RARB: variants seen among roughly 807,000 people sequenced by gnomAD.
The protein encoded by RARB is HBV-activated protein.
Under a neutral mutation model 51.9 loss-of-function variants are expected in RARB, and 17 were observed. The ratio of observed to expected loss-of-function variants is 0.33; its 90% CI spans 0.22 to 0.49. The LOEUF is 0.49. Among genes scored for constraint, RARB ranks in the 20% least tolerant of loss-of-function variants. RARB has a pLI of 0.99. For missense variants in RARB, 369 were observed against 550.8 expected, an observed-to-expected ratio of 0.67 and a Z score of 3.30; for synonymous variants, 215 against 195.4, an observed-to-expected ratio of 1.10 and a Z score of -0.84.
intron 2 of RARB, among the ~76,000 whole-genome samples, chr3:24,941,072 T>C (rs1344495613): frequency 1.3e-5 from 2 of 152,072 alleles, no homozygotes; most frequent in African/African-American, 4.8e-5. Flanking sequence ...GGGGGAAATT[T>C]TTATTGTTAT....
rs191622851 is a variant in RARB at position 24,936,660 on chromosome 3, G to T, written c.-380+77908G>T. On this transcript the variant is annotated intron_variant, in intron 2 of 11. Coordinates refer to the RARB transcript ENST00000383772. Reference sequence around the variant, plus strand: ...ATCTCTGCATAATCAAAAGTTAACTGTCATTAACATGACATTTGCTTTTAA... The same window carrying T: ...ATCTCTGCATAATCAAAAGTTAACTTTCATTAACATGACATTTGCTTTTAA... 1.9e-3 allele frequency among the ~76,000 whole-genome samples: 290 copies of T among 152,306 alleles called. 1 individual carries two copies. The highest frequency in any genetic ancestry group is 3.7e-3 in the South Asian group (18 of 4,828).
At chr3:25,387,800 T>C (rs11714772) in intron 5 of RARB, among the ~76,000 whole-genome samples, 109,620 of 150,664 alleles carry the variant, frequency 0.73, 39,906 homozygotes, top group East Asian at 0.91. Context: ...GCTTTTGTGT[T>C]TTATGTCAAA....
chr3:25,489,378 T>C (rs1319158854), intron 2 of RARB, among the ~76,000 whole-genome samples: 1 of 152,246 alleles, frequency 6.6e-6, no homozygotes, highest in African/African-American at 2.4e-5. Context: ...GTTTTACCAA[T>C]GAAAATATAA....
At chr3:25,332,084 T>G (rs1704915206) in intron 5 of RARB, among the ~76,000 whole-genome samples, 1 of 152,200 alleles carries the variant, frequency 6.6e-6, no homozygotes, top group Admixed American at 6.5e-5. Flanking sequence ...ACAGCCAAAT[T>G]CTACCAGAGG....
chr3:25,168,796 C>T (rs1700598594), intron 4 of RARB, among the ~76,000 whole-genome samples: 1 of 151,774 alleles, frequency 6.6e-6, no homozygotes, highest in Non-Finnish European at 1.5e-5. Context: ...ATGGAGACAA[C>T]AAAACAGAAG....
intron 2 of RARB, among the ~76,000 whole-genome samples, chr3:24,901,060 T>C (rs1009864954): frequency 6.6e-6 from 1 of 152,216 alleles, no homozygotes; most frequent in Admixed American, 6.5e-5. Context: ...TTAACTATGC[T>C]CTGTTAAATA....
At chr3:25,419,546 T>C (rs1376532968) in intron 5 of RARB, among the ~76,000 whole-genome samples, 1 of 152,180 alleles carries the variant, frequency 6.6e-6, no homozygotes, top group Admixed American at 6.5e-5. Flanking sequence ...GGTTCTCTGG[T>C]GCCTTTGTGT....
rs184049763 is a variant in RARB, at chr3:24,919,171, C to G, written c.-380+60419C>G. ...AGAGCTTAATAAGTGTCAACTCCTACTACTATGATAATAATGATCTAGAGG... is the reference window on the plus strand; with the variant it reads ...AGAGCTTAATAAGTGTCAACTCCTAGTACTATGATAATAATGATCTAGAGG... On this transcript the variant is annotated intron_variant, in intron 2 of 11. Transcript: ENST00000383772. Among the ~76,000 whole-genome samples, 153 of 152,304 alleles carry G rather than the reference C, an allele frequency of 1.0e-3. 1 individual carries two copies. The highest frequency in any genetic ancestry group is 3.5e-3 in the African/African-American group (145 of 41,562).
chr3:25,152,886 T>A (rs981106769), intron 4 of RARB, among the ~76,000 whole-genome samples: 1 of 152,180 alleles, frequency 6.6e-6, no homozygotes, highest in African/African-American at 2.4e-5. Context: ...AGCCAGATGA[T>A]GCTTCCAAGA....
In RARB at chr3:24,878,287, G is replaced by A. The variant is rs564234002; in HGVS notation, c.-380+19535G>A. ...TTAAACTTTCTTTTACTTTAGGTGT[G>A]TCCCACATATAGCACGCAATTGGAT... is the stretch of plus-strand genomic sequence containing the variant. On this transcript the variant is annotated intron_variant, in intron 2 of 11. Transcript: ENST00000383772. Among the ~76,000 whole-genome samples the A allele has an allele frequency of 3.3e-5, 5 of 149,650 alleles. No individual in the cohort carries two copies. The South Asian group carries it at 1.1e-3, about 32-fold the overall frequency.
At chr3:25,347,368 C>G (rs1465478339) in intron 5 of RARB, among the ~76,000 whole-genome samples, 1 of 152,184 alleles carries the variant, frequency 6.6e-6, no homozygotes, top group Non-Finnish European at 1.5e-5. Flanking sequence ...CAAGGTAGAG[C>G]TGGCAGTCCT....
chr3:25,247,732 G>A (rs890993723), intron 5 of RARB, among the ~76,000 whole-genome samples: 26 of 152,218 alleles, frequency 1.7e-4, no homozygotes, highest in African/African-American at 6.3e-4. Flanking sequence ...GCGTTGGCCT[G>A]GCTGGGAGCT....
intron 2 of RARB, among the ~76,000 whole-genome samples, chr3:24,937,707 G>C (rs1190056279): frequency 6.6e-6 from 1 of 152,132 alleles, no homozygotes; most frequent in East Asian, 1.9e-4. Context: ...GCTCCTCACT[G>C]TTGGGGCATC....
intron 4 of RARB, among the ~76,000 whole-genome samples, chr3:25,153,759 T>C (rs1017498253): frequency 2.0e-5 from 3 of 152,188 alleles, no homozygotes; most frequent in African/African-American, 7.2e-5. Flanking sequence ...AGGCATGAGA[T>C]AACTTGCCCA....
intron 2 of RARB, among the ~76,000 whole-genome samples, chr3:25,468,676 T>G (rs938201368): frequency 2.0e-5 from 3 of 152,140 alleles, no homozygotes; most frequent in Non-Finnish European, 4.4e-5. Flanking sequence ...TAGGGGCATA[T>G]TTTTAAAAAA....
At position 25,104,401 on chromosome 3, in the gene RARB, G is replaced by A. The variant is rs142692346; in HGVS notation, c.-327-27760G>A. ...ACTTTGGAAGGCCGGGGATGGGGGT[G>A]GAGGGAGAGCGGTGCAGATTGCTTG... On this transcript the variant is annotated intron_variant, in intron 3 of 11. Transcript: ENST00000383772. 4.6e-3 allele frequency among the ~76,000 whole-genome samples: 704 copies of A among 152,300 alleles called. 5 individuals are homozygous for A. Among genetic ancestry groups the A allele is most frequent in the Non-Finnish European group, 7.4e-3 (502 of 68,018 alleles).
Position 25,075,608 on chromosome 3 carries a change from C to G in RARB, c.-328+15432C>G, listed in dbSNP as rs193060749. ...GGAACTCTGCTAATTGCTAAGAACC[C>G]TCTTATTATCCATATACAGAGGGGA... is the stretch of plus-strand genomic sequence containing the variant. On this transcript the variant is annotated intron_variant, in intron 3 of 11. Transcript: ENST00000383772. 9.9e-5 allele frequency among the ~76,000 whole-genome samples: 15 copies of G among 151,872 alleles called. No individual in the cohort carries two copies. In the East Asian group the frequency reaches 2.9e-3, roughly 29 times the overall value.
chr3:25,454,653 G>T (rs558571189), intron 1 of RARB, among the ~76,000 whole-genome samples: 1 of 150,834 alleles, frequency 6.6e-6, no homozygotes. Flanking sequence ...TGTCAACATC[G>T]TTTTAGCCAG....
At chr3:25,199,240 A>G (rs1441540079) in intron 5 of RARB, among the ~76,000 whole-genome samples, 3 of 152,068 alleles carry the variant, frequency 2.0e-5, no homozygotes, top group Non-Finnish European at 2.9e-5. Context: ...AGGGAGCTAA[A>G]AATTAAAACA....
Sources: gnomAD v4.1 joint callset for allele counts (sites outside exome capture counted in the v4.1 genomes callset) on GRCh38, gnomAD v4.1.1 for gene constraint, MANE v1.5 for transcripts, NCBI Gene and HGNC (gene_info 2026-07-23, HGNC 2026-07-21) for gene names.